Variants in KAZN observed in about 807,000 individuals in gnomAD.
The protein encoded by KAZN is kazrin.
A neutral mutation model predicts 87.4 loss-of-function variants in KAZN; 40 were observed. The ratio of observed to expected loss-of-function variants is 0.46; its 90% CI spans 0.36 to 0.60. The LOEUF (loss-of-function observed/expected upper bound fraction) is 0.60. KAZN is among the 20% of genes least tolerant of loss of function. The pLI, the probability that KAZN is intolerant of heterozygous loss-of-function variation, is 0.00. For missense variants in KAZN, 898 were observed against 1,073.9 expected (o/e 0.84, Z 2.29); for synonymous variants, 466 against 458.3 (o/e 1.02, Z -0.22).
chr1:13,951,102 C>A (rs1641328873), intron 1 of KAZN, among the ~76,000 whole-genome samples: 1 of 152,094 alleles, frequency 6.6e-6, no homozygotes, highest in Non-Finnish European at 1.5e-5. Context: ...GCAGGCGATA[C>A]CATTGCATTG....
chr1:14,019,334 G>A (rs1391299056), intron 1 of KAZN, among the ~76,000 whole-genome samples: 1 of 152,086 alleles, frequency 6.6e-6, no homozygotes, highest in Non-Finnish European at 1.5e-5. Context: ...AAGACCCACT[G>A]GGAACACAAA....
chr1:14,247,392 G>A (rs1649611734), intron 2 of KAZN, among the ~76,000 whole-genome samples: 3 of 152,104 alleles, frequency 2.0e-5, no homozygotes, highest in Admixed American at 6.5e-5. Context: ...GGATAAGATC[G>A]GTGTTAGAAT....
chr1:14,432,937 T>C (rs1666160771), intron 2 of KAZN, among the ~76,000 whole-genome samples: 1 of 152,094 alleles, frequency 6.6e-6, no homozygotes, highest in Non-Finnish European at 1.5e-5. Flanking sequence ...TATTCCATGG[T>C]GTATATGTGT....
intron 1 of KAZN, among the ~76,000 whole-genome samples, chr1:14,117,870 C>T (rs1644662316): frequency 3.3e-5 from 5 of 152,106 alleles, no homozygotes; most frequent in Admixed American, 2.6e-4. Context: ...CATGAACTAC[C>T]CAAATGAGAA....
At position 14,185,095 on chromosome 1, in the gene KAZN, A is replaced by G. The variant is rs146318161; in HGVS notation, c.249+4503A>G. Among the ~76,000 whole-genome samples the G allele has an allele frequency of 3.2e-3, 485 of 152,270 alleles. 1 individual carries two copies. The highest frequency in any genetic ancestry group is 0.011 in the African/African-American group (467 of 41,570). On this transcript the variant is annotated intron_variant, in intron 2 of 16. Transcript: ENST00000636203. ...GCCCTCACTTTATACAAACTGAGAC[A>G]TCAGAAGGATCCTGGGCTTAAGAAG...
chr1:14,906,177 TATAATAATAATAATAATAATA>T (rs869163308), intron 1 of KAZN, among the ~76,000 whole-genome samples: 1 of 33,500 alleles, frequency 3.0e-5, no homozygotes, highest in Non-Finnish European at 7.4e-5. Flanking sequence ...AAAAATATAT[TATAATAATAATAATAATAATA>T]ATAATAATAA....
At chr1:14,319,678 C>A (rs935627795) in intron 2 of KAZN, among the ~76,000 whole-genome samples, 1 of 152,198 alleles carries the variant, frequency 6.6e-6, no homozygotes, top group Non-Finnish European at 1.5e-5. Flanking sequence ...CCGGGCAGAA[C>A]ATCAGGGCAG....
intron 2 of KAZN, among the ~76,000 whole-genome samples, chr1:14,989,787 C>G (rs1280398126): frequency 6.6e-6 from 1 of 152,234 alleles, no homozygotes; most frequent in African/African-American, 2.4e-5. Flanking sequence ...CACCTCCTCC[C>G]TTGCTACCTG....
rs570804773 is a variant in KAZN at position 14,959,549 on chromosome 1, C to T, written c.227-1135C>T. On this transcript the variant is annotated intron_variant, in intron 1 of 14. Coordinates refer to ENST00000376030, the MANE Select transcript of KAZN (RefSeq NM_201628.3). ...CAGTGTGCGGAGGGTGGGGGCGGCCCGGTGACCAGCATGCGGCTGGTGAGT... is the reference window on the plus strand; with the variant it reads ...CAGTGTGCGGAGGGTGGGGGCGGCCTGGTGACCAGCATGCGGCTGGTGAGT... 5.9e-5 allele frequency among the ~76,000 whole-genome samples: 9 copies of T among 152,082 alleles called. No individual in the cohort carries two copies. The South Asian group carries it at 6.2e-4, about 11-fold the overall frequency.
intron 3 of KAZN, 90 bp from the exon 4 acceptor site, chr1:15,043,896 TCCA>T: frequency 7.8e-7 from 1 of 1,282,534 alleles, no homozygotes; most frequent in Admixed American, 2.8e-5. Flanking sequence ...CACTTCTTTT[TCCA>T]TCTAGGAGTT....
At chr1:14,681,654 TATA>T (rs1362950454) in intron 1 of KAZN, among the ~76,000 whole-genome samples, 2 of 9,692 alleles carry the variant, frequency 2.1e-4, no homozygotes, top group African/African-American at 6.1e-4. Flanking sequence ...TATATATATA[TATA>T]TTTTTTTTTT....
At chr1:14,538,653 C>G (rs181690365) in intron 2 of KAZN, among the ~76,000 whole-genome samples, 1 of 152,182 alleles carries the variant, frequency 6.6e-6, no homozygotes, top group Non-Finnish European at 1.5e-5. Flanking sequence ...CTTGGCAACA[C>G]GTAAATTATG....
intron 1 of KAZN, chr1:14,124,433 A>G (rs1044736170): frequency 6.6e-6 from 1 of 152,236 alleles, no homozygotes; most frequent in Non-Finnish European, 1.5e-5. Flanking sequence ...ACACTGTTTT[A>G]TCTGGGTTCA....
chr1:14,441,466 G>A (rs1238075940), intron 2 of KAZN, among the ~76,000 whole-genome samples: 3 of 152,142 alleles, frequency 2.0e-5, no homozygotes, highest in South Asian at 2.1e-4. Context: ...AACCCTGGGC[G>A]TGAGGCCAGC....
chr1:14,059,341 C>T (rs1642697816), intron 1 of KAZN, among the ~76,000 whole-genome samples: 2 of 152,184 alleles, frequency 1.3e-5, no homozygotes, highest in Non-Finnish European at 2.9e-5. Context: ...CTGAGAGCCC[C>T]TGGCAAACCA....
chr1:14,426,944 A>G (rs1213135714), intron 2 of KAZN, among the ~76,000 whole-genome samples: 1 of 152,214 alleles, frequency 6.6e-6, no homozygotes, highest in African/African-American at 2.4e-5. Flanking sequence ...GCAATTGTGA[A>G]CAAGGTACCT....
At chr1:14,601,649 T>C (rs1676990515) in intron 1 of KAZN, among the ~76,000 whole-genome samples, 2 of 152,234 alleles carry the variant, frequency 1.3e-5, no homozygotes, top group Admixed American at 6.5e-5. Flanking sequence ...TTCTTCGTAA[T>C]ACACCTCCAG....
intron 2 of KAZN, among the ~76,000 whole-genome samples, chr1:14,470,521 G>A (rs1376295031): frequency 1.3e-5 from 2 of 152,188 alleles, no homozygotes; most frequent in Non-Finnish European, 2.9e-5. Context: ...ACAAAATGTT[G>A]CACTAAGTGA....
chr1:13,923,591 A>AAT (rs66719721), intron 1 of KAZN, among the ~76,000 whole-genome samples: 5 of 151,034 alleles, frequency 3.3e-5, no homozygotes, highest in Admixed American at 6.6e-5. Context: ...AAAAAAAAAA[A>AAT]ATATAATTAC....
Sources: gnomAD v4.1 joint callset for allele counts (sites outside exome capture counted in the v4.1 genomes callset) on GRCh38, gnomAD v4.1.1 for gene constraint, MANE v1.5 for transcripts, NCBI Gene and HGNC (gene_info 2026-07-23, HGNC 2026-07-21) for gene names.